The following ADGRB3 variants were observed in gnomAD, a reference collection of about 807,000 sequenced individuals.
The protein encoded by ADGRB3 is brain-specific angiogenesis inhibitor 3.
A neutral mutation model predicts 193.4 loss-of-function variants in ADGRB3; 37 were observed. That is an observed-to-expected ratio of 0.19 (90% CI 0.15 to 0.25). The LOEUF (loss-of-function observed/expected upper bound fraction) is 0.25, where lower values mean the gene tolerates loss of function less well. ADGRB3 is among the 10% of genes least tolerant of loss of function. ADGRB3 has a pLI of 1.00. For missense variants in ADGRB3, 1,637 were observed against 1,852.9 expected, an observed-to-expected ratio of 0.88 and a Z score of 2.14; for synonymous variants, 690 against 644.2, an observed-to-expected ratio of 1.07 and a Z score of -1.08.
At chr6:69,009,227 A>G (rs1769861522) in intron 11 of ADGRB3, among the ~76,000 whole-genome samples, 1 of 152,114 alleles carries the variant, frequency 6.6e-6, no homozygotes, top group Non-Finnish European at 1.5e-5. Context: ...CAAATAAACC[A>G]TAACCTTAAA....
chr6:68,864,543 C>A (rs1332749453), intron 3 of ADGRB3, among the ~76,000 whole-genome samples: 1 of 152,040 alleles, frequency 6.6e-6, no homozygotes. Flanking sequence ...GAGCCACACC[C>A]TAGGGATGAT....
rs142952525 is a variant in ADGRB3 at position 68,649,348 on chromosome 6, A to G, written c.757+9916A>G. Among the ~76,000 whole-genome samples the G allele has an allele frequency of 1.4e-4, 21 of 152,250 alleles. No individual in the cohort carries two copies. In the East Asian group the frequency reaches 3.9e-3, roughly 28 times the overall value. ...AATACACATTCAACAACATCTCTAT[A>G]AGATAAAAGATGAACAGTCTAATTG... On this transcript the variant is annotated intron_variant, in intron 3 of 31. Transcript: ENST00000370598.
At chr6:68,666,344 G>A (rs9454607) in intron 3 of ADGRB3, among the ~76,000 whole-genome samples, 8,674 of 151,870 alleles carry the variant, frequency 0.057, 799 homozygotes, top group African/African-American at 0.2. Context: ...TTTGGCTCTT[G>A]ACCTATATCT....
At chr6:69,177,745 T>C (rs1050132656) in intron 17 of ADGRB3, among the ~76,000 whole-genome samples, 12 of 152,252 alleles carry the variant, frequency 7.9e-5, no homozygotes, top group Non-Finnish European at 1.5e-4. Context: ...AGTGTGTTTT[T>C]GAAATAACTT....
At chr6:69,376,547 C>G (rs936290411) in intron 30 of ADGRB3, among the ~76,000 whole-genome samples, 1 of 152,006 alleles carries the variant, frequency 6.6e-6, no homozygotes, top group Non-Finnish European at 1.5e-5. Context: ...CACAAATCCC[C>G]ATTTTCATGG....
At chr6:68,745,435 G>A (rs1766065061) in intron 3 of ADGRB3, among the ~76,000 whole-genome samples, 1 of 152,090 alleles carries the variant, frequency 6.6e-6, no homozygotes, top group Non-Finnish European at 1.5e-5. Context: ...CAGGGAATGG[G>A]GAAATAGGGA....
intron 17 of ADGRB3, among the ~76,000 whole-genome samples, chr6:69,192,744 A>T (rs569338581): frequency 7.6e-4 from 115 of 152,232 alleles, no homozygotes; most frequent in Non-Finnish European, 1.3e-3. Context: ...TATAAAACTT[A>T]TCTGTGTTTT....
chr6:68,733,676 G>A (rs1310085628), intron 3 of ADGRB3, among the ~76,000 whole-genome samples: 7 of 151,058 alleles, frequency 4.6e-5, no homozygotes, highest in Admixed American at 4.0e-4. Flanking sequence ...GGTTTGGAGG[G>A]CAGTGAGGAT....
intron 17 of ADGRB3, among the ~76,000 whole-genome samples, chr6:69,080,209 C>G (rs561287904): frequency 6.9e-4 from 105 of 152,138 alleles, no homozygotes; most frequent in African/African-American, 2.2e-3. Context: ...CTTCTTATTT[C>G]AGGGAAGTTG....
chr6:69,359,910 T>C (rs1425779900), intron 28 of ADGRB3, among the ~76,000 whole-genome samples: 3 of 151,892 alleles, frequency 2.0e-5, no homozygotes, highest in African/African-American at 2.4e-5. Flanking sequence ...TGATGATTGT[T>C]CATAACTAAG....
At chr6:68,997,043 A>C (rs1175568093) in intron 11 of ADGRB3, among the ~76,000 whole-genome samples, 2 of 152,182 alleles carry the variant, frequency 1.3e-5, no homozygotes, top group Non-Finnish European at 1.5e-5. Flanking sequence ...AGTTATGTGC[A>C]AGGTATTTTA....
intron 3 of ADGRB3, among the ~76,000 whole-genome samples, chr6:68,709,419 T>C (rs1293178373): frequency 6.6e-6 from 1 of 152,206 alleles, no homozygotes; most frequent in Non-Finnish European, 1.5e-5. Flanking sequence ...TTTTCATCCC[T>C]CACAAAAATG....
intron 3 of ADGRB3, among the ~76,000 whole-genome samples, chr6:68,767,764 A>G (rs763940869): frequency 3.3e-5 from 5 of 152,102 alleles, no homozygotes; most frequent in African/African-American, 4.8e-5. Flanking sequence ...TCTGTTTGCA[A>G]TGACATGATT....
intron 17 of ADGRB3, among the ~76,000 whole-genome samples, chr6:69,130,151 C>T (rs1773966589): frequency 6.6e-6 from 1 of 151,994 alleles, no homozygotes; most frequent in East Asian, 1.9e-4. Context: ...ATGGTGTCTT[C>T]TTGCTCTGTC....
chr6:69,149,548 A>T (rs1774606794), intron 17 of ADGRB3, among the ~76,000 whole-genome samples: 1 of 151,980 alleles, frequency 6.6e-6, no homozygotes, highest in South Asian at 2.1e-4. Context: ...CCCTGGTGCC[A>T]TATTTACTTC....
intron 17 of ADGRB3, among the ~76,000 whole-genome samples, chr6:69,198,754 T>C (rs1312943232): frequency 6.6e-6 from 1 of 152,136 alleles, no homozygotes; most frequent in Non-Finnish European, 1.5e-5. Flanking sequence ...TTATTTTGAC[T>C]GTACTAGGAA....
At chr6:68,708,025 G>A (rs1554181195) in intron 3 of ADGRB3, among the ~76,000 whole-genome samples, 1 of 152,042 alleles carries the variant, frequency 6.6e-6, no homozygotes, top group Admixed American at 6.5e-5. Flanking sequence ...GATTAACCAA[G>A]AGCAAAAAAG....
At chr6:69,020,645 C>T (rs1029623425) in intron 13 of ADGRB3, among the ~76,000 whole-genome samples, 3 of 151,802 alleles carry the variant, frequency 2.0e-5, no homozygotes, top group Non-Finnish European at 2.9e-5. Context: ...ATTGTTCTGC[C>T]TTCTGATTGT....
At chr6:69,241,464 GC>G (rs1766383488) in intron 20 of ADGRB3, among the ~76,000 whole-genome samples, 1 of 151,734 alleles carries the variant, frequency 6.6e-6, no homozygotes, top group Admixed American at 6.6e-5. Context: ...ATGTCCAATG[GC>G]TACATGCAGC....
Sources: gnomAD v4.1 joint callset for allele counts (sites outside exome capture counted in the v4.1 genomes callset) on GRCh38, gnomAD v4.1.1 for gene constraint, MANE v1.5 for transcripts, NCBI Gene and HGNC (gene_info 2026-07-23, HGNC 2026-07-21) for gene names.